Variants in ARFGAP1 observed in about 807,000 individuals in gnomAD.
ARFGAP1 encodes ADP-ribosylation factor GTPase-activating protein 1.
Under a neutral mutation model 54.0 loss-of-function variants are expected in ARFGAP1, and 26 were observed. The ratio of observed to expected loss-of-function variants is 0.48; its 90% confidence interval spans 0.35 to 0.67. ARFGAP1 has a LOEUF of 0.67. ARFGAP1 is among the 30% of genes least tolerant of loss of function. The pLI is 0.00. For synonymous variants in ARFGAP1, 248 were observed against 211.9 expected, an observed-to-expected ratio of 1.17 and a Z score of -1.48; for missense variants, 525 against 535.8, an observed-to-expected ratio of 0.98 and a Z score of 0.20.
intron 9 of ARFGAP1, chr20:63,283,768 G>C: frequency 2.6e-5 from 40 of 1,516,548 alleles, no homozygotes; most frequent in Non-Finnish European, 3.6e-5. Context: ...GGCACCCCAT[G>C]GTGGGTTCGA....
intron 8 of ARFGAP1, among the ~76,000 whole-genome samples, chr20:63,281,761 G>A (rs1373034114): frequency 1.3e-5 from 2 of 152,216 alleles, no homozygotes; most frequent in African/African-American, 4.8e-5. Context: ...AGCCTGAAAT[G>A]AGGGGAGGAT....
chr20:63,284,238 C>T (rs1054871759), intron 9 of ARFGAP1: 76 of 1,204,110 alleles, frequency 6.3e-5, no homozygotes, highest in Middle Eastern at 3.3e-4. Flanking sequence ...TGGCCACCTG[C>T]GCTCCCTTGA....
At chr20:63,277,579 C>G (rs1259332823) in intron 5 of ARFGAP1, among the ~76,000 whole-genome samples, 1 of 152,244 alleles carries the variant, frequency 6.6e-6, no homozygotes, top group East Asian at 1.9e-4. Flanking sequence ...TGGGAGTTCA[C>G]ATCTCCATCT....
Position 63,276,760 on chromosome 20 carries a change from C to G in ARFGAP1, c.342+109C>G. 7.8e-7 allele frequency: 1 copy of G among 1,288,416 alleles called. No individual in the cohort carries two copies. The highest frequency in any genetic ancestry group is 1.0e-6 in the Non-Finnish European group (1 of 953,832). 79.8% of individuals were successfully genotyped at this position (1,288,416 alleles called of 1,614,324 possible). A position where few individuals can be genotyped will look rare whatever the true frequency, so the allele number is the denominator to read the frequency against. On this transcript the variant is annotated intron_variant, in intron 4 of 12. Transcript: ENST00000370283. This position sits in a 1 kb window ranked among gnomAD's most constrained non-coding sequence, Gnocchi z 5.2. Reference sequence around the variant, plus strand: ...TCTGGAGTCGGTTCTTCTGCTGGTTCTGACACACCCACTGGGCCACACACA... The same window carrying G: ...TCTGGAGTCGGTTCTTCTGCTGGTTGTGACACACCCACTGGGCCACACACA...
intron 7 of ARFGAP1, among the ~76,000 whole-genome samples, chr20:63,280,204 C>T (rs2067344129): frequency 6.6e-6 from 1 of 152,244 alleles, no homozygotes; most frequent in Admixed American, 6.5e-5. Context: ...CAACCTGAGC[C>T]TTTGGCCACG....
chr20:63,283,762 C>T, intron 9 of ARFGAP1: 1 of 1,475,318 alleles, frequency 6.8e-7, no homozygotes, highest in South Asian at 1.2e-5. Context: ...TGTTGCGGCA[C>T]CCCATGGTGG....
chr20:63,276,336 C>G lies in ARFGAP1; in HGVS notation c.170+136C>G. On this transcript the variant is annotated intron_variant, in intron 3 of 12. Coordinates refer to ENST00000370283, the MANE Select transcript of ARFGAP1 (RefSeq NM_018209.4). This position sits in a 1 kb window ranked among gnomAD's most constrained non-coding sequence, Gnocchi z 5.2. ...ATTGCCAGTGTCCACTCTAGTGACG[C>G]CATGGCACAGAGTTCCAGCTGCTGG... 7.3e-7 allele frequency: 1 copy of G among 1,372,128 alleles called. No individual in the cohort carries two copies. The highest frequency in any genetic ancestry group is 1.0e-6 in the Non-Finnish European group (1 of 987,742). The allele number at this position is 1,372,128 out of a possible 1,614,324, so 85.0% of individuals were successfully genotyped here.
rs1212185117 is a variant in ARFGAP1, at chr20:63,276,394, T to C, written c.171-86T>C. 2.6e-5 allele frequency: 39 copies of C among 1,523,158 alleles called. 1 individual carries two copies. The South Asian group carries it at 4.4e-4, about 17-fold the overall frequency. 94.4% of individuals were successfully genotyped at this position (1,523,158 alleles called of 1,614,324 possible). A position where few individuals can be genotyped will look rare whatever the true frequency, so the allele number is the denominator to read the frequency against. On this transcript the variant is annotated intron_variant, in intron 3 of 12. Transcript: ENST00000370283. This position sits in a 1 kb window ranked among gnomAD's most constrained non-coding sequence, Gnocchi z 5.2. ...GCCTCCCTGCGGCTGCTGCTTGCTG[T>C]GTCTAATTCTCAGGACGATGCTGGG...
At chr20:63,284,330 G>C (rs971316883) in intron 9 of ARFGAP1, 2 of 1,070,458 alleles carry the variant, frequency 1.9e-6, no homozygotes, top group Non-Finnish European at 2.3e-6. Context: ...CCCTGCCTTT[G>C]GGGGAAGAGG....
chr20:63,278,789 G>T (rs1420791708), intron 6 of ARFGAP1, 110 bp from the exon 7 acceptor site: 1 of 932,240 alleles, frequency 1.1e-6, no homozygotes, highest in African/African-American at 1.7e-5. Context: ...GCGTGGGGAC[G>T]TTGGCACGTC....
At chr20:63,280,887 C>G (rs778920725) in intron 7 of ARFGAP1, among the ~76,000 whole-genome samples, 1 of 152,184 alleles carries the variant, frequency 6.6e-6, no homozygotes, top group African/African-American at 2.4e-5. Context: ...GAAGGAAACC[C>G]TGAGCATAGA....
Position 63,287,682 on chromosome 20 carries a change from C to T in ARFGAP1, c.1030C>T (p.Pro344Ser), listed in dbSNP as rs1465253430. Reference protein sequence around the residue: ...SAEPTKTRKSPSSDSWTCADT... With the variant: ...SAEPTKTRKSSSSDSWTCADT... The stretch of plus-strand genomic sequence containing the variant: ...TGAGCCCACCAAGACCCGCAAGTCC[C>T]CGAGCAGCGACAGCTGGACGTGCGC... The change falls in exon 13 of 13, where the codon CCG becomes TCG. Residue 344 changes from proline (P) to serine (S), a missense_variant. By Grantham distance (74) the Pro-to-Ser change is moderately conservative. This residue lies in a region of ARFGAP1 where 466 missense variants were observed against 453.6 expected (regional missense o/e 1.03). Transcript: ENST00000370283. 6.2e-7 allele frequency: 1 copy of T among 1,612,506 alleles called. No homozygotes were observed. The highest frequency in any genetic ancestry group is 8.5e-7 in the Non-Finnish European group (1 of 1,179,884).
chr20:63,278,590 G>T, intron 6 of ARFGAP1: 1 of 486,464 alleles, frequency 2.1e-6, no homozygotes, highest in Non-Finnish European at 3.7e-6. Flanking sequence ...CGTGGAATCT[G>T]CTGGACCTAT....
intron 10 of ARFGAP1, 120 bp from the exon 11 acceptor site, chr20:63,285,534 A>G: frequency 9.6e-7 from 1 of 1,040,260 alleles, no homozygotes; most frequent in South Asian, 1.4e-5. Flanking sequence ...GCTCAGCCTG[A>G]TGGGTATCCA....
rs1396544110 is a variant in ARFGAP1 at position 63,276,839 on chromosome 20, C to T, written c.342+188C>T. 6 of 627,836 alleles carry T rather than the reference C, an allele frequency of 9.6e-6. No individual in the cohort carries two copies. The highest frequency in any genetic ancestry group is 2.5e-5 in the South Asian group (1 of 40,578). The allele number at this position is 627,836 out of a possible 1,614,324, so 38.9% of individuals were successfully genotyped here. ...GCCCAGAGGGGAGGCAAATGGCTTG[C>T]GGGGGGAGACAGACCTTCCCCGCCT... On this transcript the variant is annotated intron_variant, in intron 4 of 12. Transcript: ENST00000370283. This position sits in a 1 kb window ranked among gnomAD's most constrained non-coding sequence, Gnocchi z 5.2.
Position 63,278,886 on chromosome 20 carries a change from G to A in ARFGAP1, c.531-13G>A, listed in dbSNP as rs367660354. 2.0e-4 allele frequency: 328 copies of A among 1,613,746 alleles called. No homozygotes were observed. The highest frequency in any genetic ancestry group is 2.5e-4 in the Non-Finnish European group (300 of 1,179,780). The stretch of plus-strand genomic sequence containing the variant: ...TGCCAGCATCTTCGGCCTCTTGTCC[G>A]CTTTGTTTTCAGGGCCCAGGGGAAT... On this transcript the variant is annotated splice_polypyrimidine_tract_variant and intron_variant, in intron 6 of 12. Transcript: ENST00000370283.
In ARFGAP1 at chr20:63,284,883, C is replaced by T. The variant is rs1245475297; in HGVS notation, c.735C>T (p.His245=). 1 of 1,612,992 alleles carries T rather than the reference C, an allele frequency of 6.2e-7. No individual in the cohort carries two copies. Among genetic ancestry groups the T allele is most frequent in the Non-Finnish European group, 8.5e-7 (1 of 1,179,950 alleles). The part of the protein sequence containing the change: ...QASQKASELG[H]SLNENVLKPA... Reference sequence around the variant, plus strand: ...TCCTACAGGCGTCCGAGCTGGGCCACAGCCTGAACGAGAACGTCCTCAAGC... The same window carrying T: ...TCCTACAGGCGTCCGAGCTGGGCCATAGCCTGAACGAGAACGTCCTCAAGC... The change falls in exon 10 of 13, where the codon CAC becomes CAT. Residue 245 remains histidine (H), a synonymous_variant. Transcript: ENST00000370283.
intron 5 of ARFGAP1, among the ~76,000 whole-genome samples, chr20:63,277,507 C>T (rs986125290): frequency 1.8e-4 from 27 of 152,342 alleles, no homozygotes; most frequent in African/African-American, 6.0e-4. Context: ...TCTCAGATAG[C>T]GCCCCAGGTA....
intron 1 of ARFGAP1, among the ~76,000 whole-genome samples, chr20:63,274,754 C>T (rs2067191809): frequency 6.6e-6 from 1 of 152,186 alleles, no homozygotes; most frequent in South Asian, 2.1e-4. Flanking sequence ...GGTACCACCC[C>T]TTCCTCCGGC....
Sources: gnomAD v4.1 joint callset for allele counts (sites outside exome capture counted in the v4.1 genomes callset) on GRCh38, gnomAD v4.1.1 for gene constraint, gnomAD v4.1.1 regional missense constraint, Gnocchi (gnomAD v3.1) non-coding constraint, MANE v1.5 for transcripts, NCBI Gene and HGNC (gene_info 2026-07-23, HGNC 2026-07-21) for gene names.